PIWIL2: variants seen among roughly 807,000 people sequenced by gnomAD.
PIWIL2 encodes the protein piwi like RNA-mediated gene silencing 2.
PIWIL2 carries 81 observed loss-of-function variants against 116.5 expected under a neutral mutation model. The observed-to-expected ratio is 0.70, with a 90% confidence interval of 0.58 to 0.84. The LOEUF is 0.84. Ranked by LOEUF, PIWIL2 falls within the 40% of genes least tolerant of loss-of-function variation. The probability of loss-of-function intolerance (pLI) is 0.00; values close to 1 mark genes in which losing one functional copy is unlikely to be tolerated. For missense variants in PIWIL2, 1,272 were observed against 1,212.3 expected, an observed-to-expected ratio of 1.05 and a Z score of -0.73; for synonymous variants, 489 against 429.5, an observed-to-expected ratio of 1.14 and a Z score of -1.71.
chr8:22,333,715 G>A (rs776801480), intron 20 of PIWIL2, among the ~76,000 whole-genome samples: 10 of 152,144 alleles, frequency 6.6e-5, no homozygotes, highest in East Asian at 1.9e-4. Context: ...GGCTGGGGTC[G>A]AGGAGGGAAC....
chr8:22,282,944 C>T (rs1830543910), intron 4 of PIWIL2, 90 bp from the exon 5 acceptor site: 1 of 1,034,374 alleles, frequency 9.7e-7, no homozygotes, highest in South Asian at 1.3e-5. Flanking sequence ...GCTGTCTCCT[C>T]CAGGAAGAGA....
At chr8:22,342,339 A>G (rs754671619) in intron 20 of PIWIL2, among the ~76,000 whole-genome samples, 1 of 152,362 alleles carries the variant, frequency 6.6e-6, no homozygotes, top group South Asian at 2.1e-4. Context: ...TAGCCAACAC[A>G]GTACTGCAGA....
intron 6 of PIWIL2, among the ~76,000 whole-genome samples, chr8:22,285,320 G>T (rs1368835240): frequency 6.6e-6 from 1 of 152,086 alleles, no homozygotes; most frequent in Non-Finnish European, 1.5e-5. Context: ...GAGATCAGAT[G>T]GTATTTGTCT....
chr8:22,326,643 G>A (rs911045278), intron 20 of PIWIL2, among the ~76,000 whole-genome samples: 2 of 152,202 alleles, frequency 1.3e-5, no homozygotes, highest in East Asian at 3.9e-4. Context: ...TGTTTTCAAG[G>A]TTTATCTGTG....
At chr8:22,351,440 C>CT (rs1554507095) in intron 20 of PIWIL2, among the ~76,000 whole-genome samples, 1 of 52,932 alleles carries the variant, frequency 1.9e-5, no homozygotes, top group Non-Finnish European at 3.9e-5. Context: ...TGCATACATA[C>CT]ATATATATAT....
rs888055430 is a variant in PIWIL2 at position 22,316,330 on chromosome 8, A to G, written c.2294A>G (p.Asn765Ser). The G allele has an allele frequency of 1.9e-6, 3 of 1,592,244 alleles. No individual in the cohort carries two copies. The highest frequency in any genetic ancestry group is 2.2e-5 in the East Asian group (1 of 44,754). Residue 765 changes from asparagine to serine, a missense_variant, in exon 19 of 23, where the codon AAT (asparagine) becomes AGT (serine). By Grantham distance (46) the Asn-to-Ser change is conservative. Coordinates refer to ENST00000356766, the MANE Select transcript of PIWIL2 (RefSeq NM_018068.5). ...GTGGTTGGCTTCGTGGCAAGCATCA[A>G]TCTGTAAGTACTGCTCACAGTGCCA... is the stretch of plus-strand genomic sequence containing the variant. ...RSVVGFVASI[N>S]LTLTKWYSRV...
chr8:22,308,725 T>A (rs184351941), intron 14 of PIWIL2, among the ~76,000 whole-genome samples: 233 of 152,296 alleles, frequency 1.5e-3, no homozygotes, highest in Non-Finnish European at 2.8e-3. Context: ...GTGTGTGTTA[T>A]TTATTTTTTT....
intron 19 of PIWIL2, among the ~76,000 whole-genome samples, chr8:22,317,760 C>T (rs550811339): frequency 1.6e-4 from 24 of 152,080 alleles, no homozygotes; most frequent in Admixed American, 8.5e-4. Flanking sequence ...CCCAGGTTCA[C>T]GCCATTCTCC....
At chr8:22,317,541 G>A (rs1439643215) in intron 19 of PIWIL2, among the ~76,000 whole-genome samples, 1 of 151,614 alleles carries the variant, frequency 6.6e-6, no homozygotes, top group African/African-American at 2.4e-5. Context: ...TTTATTCTGT[G>A]TATCATTATT....
At chr8:22,327,971 A>G (rs1831765976) in intron 20 of PIWIL2, among the ~76,000 whole-genome samples, 1 of 152,082 alleles carries the variant, frequency 6.6e-6, no homozygotes, top group South Asian at 2.1e-4. Flanking sequence ...CAATTTATCT[A>G]TTGTATCTTT....
intron 20 of PIWIL2, among the ~76,000 whole-genome samples, chr8:22,340,765 G>A (rs756668100): frequency 3.9e-5 from 6 of 152,042 alleles, no homozygotes; most frequent in Admixed American, 2.0e-4. Context: ...GTGTCACCCA[G>A]GCTGGAGTGC....
In PIWIL2 at chr8:22,275,370, G is replaced by A. The variant is rs530443823; in HGVS notation, c.-75G>A. On this transcript the variant is annotated 5_prime_UTR_variant, in exon 1 of 23. Coordinates refer to ENST00000356766, the MANE Select transcript of PIWIL2 (RefSeq NM_018068.5). ...TCTTCCCCTGAGGCCGCGCGGAGCT[G>A]GGCGACTGGGGCGAGGACTCGCGCA... The A allele has an allele frequency of 1.6e-4, 24 of 152,696 alleles. No homozygotes were observed. Among genetic ancestry groups the A allele is most frequent in the African/African-American group, 5.8e-4 (24 of 41,598 alleles). 9.5% of individuals were successfully genotyped at this position (152,696 alleles called of 1,614,324 possible). A position where few individuals can be genotyped will look rare whatever the true frequency, so the allele number is the denominator to read the frequency against.
chr8:22,329,068 T>A (rs1831798327), intron 20 of PIWIL2, among the ~76,000 whole-genome samples: 1 of 152,146 alleles, frequency 6.6e-6, no homozygotes, highest in African/African-American at 2.4e-5. Flanking sequence ...AGGTTTCAGT[T>A]TTTCACCATT....
chr8:22,286,473 T>TAA (rs1830631130), intron 6 of PIWIL2, among the ~76,000 whole-genome samples: 1 of 152,064 alleles, frequency 6.6e-6, no homozygotes, highest in Non-Finnish European at 1.5e-5. Context: ...TTGTGAAACA[T>TAA]ACAGCAAAGA....
In PIWIL2 at chr8:22,356,815, A is replaced by G. The variant is rs1832498987; in HGVS notation, c.*1310A>G. The G allele has an allele frequency of 6.6e-6, 1 of 152,046 alleles. No individual in the cohort carries two copies. The highest frequency in any genetic ancestry group is 1.5e-5 in the Non-Finnish European group (1 of 68,020). The allele number at this position is 152,046 out of a possible 1,614,324, so 9.4% of individuals were successfully genotyped here. Reference sequence around the variant, plus strand: ...GATGGTTAGAAAGTTATCACATACCATGGGTTTCAGTGTTTTTGGAAACCC... The same window carrying G: ...GATGGTTAGAAAGTTATCACATACCGTGGGTTTCAGTGTTTTTGGAAACCC... On this transcript the variant is annotated 3_prime_UTR_variant, in exon 23 of 23. Transcript: ENST00000356766.
intron 6 of PIWIL2, among the ~76,000 whole-genome samples, chr8:22,286,339 A>G (rs974619516): frequency 2.0e-5 from 3 of 152,266 alleles, no homozygotes; most frequent in African/African-American, 7.2e-5. Flanking sequence ...TGGAATAATT[A>G]TAGAAGGCAA....
In PIWIL2 at chr8:22,279,473, A is replaced by G. The variant is rs1471556835; in HGVS notation, c.87A>G (p.Pro29=). ...CQAVRMPGCW[P]QASKPLDPAL... ...CTGTACGGATGCCAGGCTGTTGGCC[A>G]CAAGCTTCTAAACCTTTGGACCCAG... The change falls in exon 2 of 23, where the codon CCA becomes CCG. Residue 29 remains proline (P), a synonymous_variant. Transcript: ENST00000356766. 2 of 1,614,140 alleles carry G rather than the reference A, an allele frequency of 1.2e-6. No individual in the cohort carries two copies. Among genetic ancestry groups the G allele is most frequent in the East Asian group, 2.2e-5 (1 of 44,880 alleles).
At chr8:22,290,166 C>T in intron 9 of PIWIL2, 67 bp from the exon 10 acceptor site, 4 of 929,914 alleles carry the variant, frequency 4.3e-6, no homozygotes, top group Non-Finnish European at 6.9e-6. Context: ...ATGTTTTGTT[C>T]ACATGGGGGC....
intron 10 of PIWIL2, among the ~76,000 whole-genome samples, chr8:22,294,670 A>G (rs1164091935): frequency 1.0e-4 from 15 of 148,394 alleles, no homozygotes; most frequent in African/African-American, 3.0e-4. Context: ...AAAAAAAAAG[A>G]AAAACATCAG....
Sources: gnomAD v4.1 joint callset for allele counts (sites outside exome capture counted in the v4.1 genomes callset) on GRCh38, gnomAD v4.1.1 for gene constraint, MANE v1.5 for transcripts, NCBI Gene and HGNC (gene_info 2026-07-23, HGNC 2026-07-21) for gene names.